Variants in SLC14A2 observed in about 807,000 individuals in gnomAD.
The protein encoded by SLC14A2 is urea transporter 2.
In SLC14A2, 91 loss-of-function variants were observed where a neutral mutation model predicts 104.6. That is an observed-to-expected ratio of 0.87 (90% CI 0.73 to 1.04). SLC14A2 has a LOEUF of 1.04. SLC14A2 is among the 50% of genes least tolerant of loss of function. The probability of loss-of-function intolerance (pLI) is 0.00; values close to 1 mark genes in which losing one functional copy is unlikely to be tolerated. For synonymous variants in SLC14A2, 476 were observed against 466.4 expected, an observed-to-expected ratio of 1.02 and a Z score of -0.27; for missense variants, 1,189 against 1,156.0, an observed-to-expected ratio of 1.03 and a Z score of -0.41.
Position 45,637,129 on chromosome 18 carries a change from G to A in SLC14A2, c.790G>A (p.Glu264Lys), listed in dbSNP as rs964218128. ...YNLFFPTTLV[E>K]PVSSVPNITW... The stretch of plus-strand genomic sequence containing the variant: ...CCTCTTCTTCCCCACAACACTGGTA[G>A]AGCCTGTGTCTTCAGTGCCCAATAT... The change falls in exon 6 of 20, where the codon GAG (glutamate) becomes AAG (lysine). Residue 264 changes from glutamate (E) to lysine (K), a missense_variant. By Grantham distance (56) the Glu-to-Lys change is moderately conservative. Transcript: ENST00000255226. 3.1e-6 allele frequency: 5 copies of A among 1,614,072 alleles called. No homozygotes were observed. Among genetic ancestry groups the A allele is most frequent in the East Asian group, 4.5e-5 (2 of 44,900 alleles).
rs1409910402 is a variant in SLC14A2, at chr18:45,588,281, G to A, written c.-34-36350G>A. Among the ~76,000 whole-genome samples, 4 of 152,144 alleles carry A rather than the reference G, an allele frequency of 2.6e-5. No individual in the cohort carries two copies. The East Asian group carries it at 7.7e-4, about 29-fold the overall frequency. ...CCGAGGCTGGAGGTCAGTGAGTCAG[G>A]GGCACTGCTGAGAGGACTCCAGCTT... On this transcript the variant is annotated intron_variant, in intron 2 of 20. Transcript: ENST00000586448.
chr18:45,183,675 C>A, the SLC14A2 span, among the ~76,000 whole-genome samples: 76,576 of 150,444 alleles, frequency 0.51, 19,803 homozygotes, highest in Non-Finnish European at 0.57. Context: ...TTCTGTCTTT[C>A]TTTCTTTCTC....
chr18:45,636,602 T>C (rs1269982970), intron 5 of SLC14A2, among the ~76,000 whole-genome samples: 3 of 152,218 alleles, frequency 2.0e-5, no homozygotes, highest in Non-Finnish European at 4.4e-5. Context: ...CCTTGAACAA[T>C]AGTCATTGTA....
At chr18:45,171,902 C>T in the SLC14A2 span, among the ~76,000 whole-genome samples, 1 of 152,122 alleles carries the variant, frequency 6.6e-6, no homozygotes, top group African/African-American at 2.4e-5. Flanking sequence ...TAAGGCCCAA[C>T]TTCTTTCGTT....
intron 1 of SLC14A2, among the ~76,000 whole-genome samples, chr18:45,245,762 C>T (rs2084362352): frequency 6.6e-6 from 1 of 151,758 alleles, no homozygotes; most frequent in South Asian, 2.1e-4. Flanking sequence ...AAATACTATC[C>T]ACTCACTCAG....
chr18:45,619,591 G>T (rs2045131976), intron 1 of SLC14A2, among the ~76,000 whole-genome samples: 1 of 152,164 alleles, frequency 6.6e-6, no homozygotes, highest in African/African-American at 2.4e-5. Context: ...AGGAGGTGTG[G>T]GCAGCCAAGG....
Position 45,616,967 on chromosome 18 carries a change from G to A in SLC14A2, c.-35+1385G>A, listed in dbSNP as rs568192728. Among the ~76,000 whole-genome samples the A allele has an allele frequency of 5.9e-5, 9 of 152,254 alleles. No individual in the cohort carries two copies. In the East Asian group the frequency reaches 1.7e-3, roughly 29 times the overall value. Reference sequence around the variant, plus strand: ...CAAAAAATTGGCTGGGCATGGTGGTGTGCGCCGGTAGTCCCAGCTACTAAG... The same window carrying A: ...CAAAAAATTGGCTGGGCATGGTGGTATGCGCCGGTAGTCCCAGCTACTAAG... On this transcript the variant is annotated intron_variant, in intron 1 of 19. Transcript: ENST00000255226.
At chr18:45,537,470 C>T (rs961631402) in intron 2 of SLC14A2, among the ~76,000 whole-genome samples, 3 of 152,256 alleles carry the variant, frequency 2.0e-5, no homozygotes. Context: ...AGAGCCAGCA[C>T]AAAGCCCTAA....
rs564855504 is a variant in SLC14A2, at chr18:45,482,110, T to TA, written c.-124-1116dup. Reference sequence around the variant, plus strand: ...TTGGGGAATAACATACCAAAAGCTTTAAAAAAATGCATACCCATTGAAAGC... The same window carrying TA: ...TTGGGGAATAACATACCAAAAGCTTTAAAAAAAATGCATACCCATTGAAAGC... On this transcript the variant is annotated intron_variant, in intron 1 of 20. Coordinates refer to the SLC14A2 transcript ENST00000586448. Among the ~76,000 whole-genome samples the TA allele has an allele frequency of 7.2e-5, 11 of 152,224 alleles. No individual in the cohort carries two copies. The East Asian group carries it at 1.9e-3, about 27-fold the overall frequency.
intron 1 of SLC14A2, among the ~76,000 whole-genome samples, chr18:45,415,769 T>C (rs1225225870): frequency 2.0e-5 from 3 of 152,150 alleles, no homozygotes; most frequent in Non-Finnish European, 4.4e-5. Flanking sequence ...TGAGAGACCA[T>C]ATCACAGCGA....
chr18:45,307,901 T>G (rs2085039852), intron 1 of SLC14A2, among the ~76,000 whole-genome samples: 1 of 152,198 alleles, frequency 6.6e-6, no homozygotes, highest in African/African-American at 2.4e-5. Context: ...CTGCAAGCTG[T>G]GCAAGAAACA....
At chr18:45,616,990 A>G (rs1009409304) in intron 1 of SLC14A2, among the ~76,000 whole-genome samples, 3 of 151,984 alleles carry the variant, frequency 2.0e-5, no homozygotes, top group African/African-American at 7.2e-5. Context: ...CCCAGCTACT[A>G]AGGAGGCTGA....
intron 10 of SLC14A2, chr18:45,646,900 C>A (rs1356178157): frequency 6.6e-6 from 1 of 152,202 alleles, no homozygotes; most frequent in Non-Finnish European, 1.5e-5. Context: ...CTACCATCAC[C>A]CCAAACTACA....
chr18:45,401,629 C>T (rs570656659), intron 1 of SLC14A2, among the ~76,000 whole-genome samples: 1 of 152,224 alleles, frequency 6.6e-6, no homozygotes, highest in African/African-American at 2.4e-5. Flanking sequence ...ACAAAAGTGG[C>T]CTAATCTATC....
chr18:45,285,661 G>GGC (rs2084805921), intron 1 of SLC14A2, among the ~76,000 whole-genome samples: 1 of 124,984 alleles, frequency 8.0e-6, no homozygotes. Flanking sequence ...CAGGTGATCT[G>GGC]CCCCCCCCCC....
intron 1 of SLC14A2, among the ~76,000 whole-genome samples, chr18:45,405,922 C>T (rs1261345806): frequency 6.8e-6 from 1 of 146,110 alleles, no homozygotes; most frequent in South Asian, 2.2e-4. Context: ...AAAATGCTAA[C>T]AGTCATCTAA....
chr18:45,464,605 A>T (rs951634661), intron 1 of SLC14A2, among the ~76,000 whole-genome samples: 1 of 152,198 alleles, frequency 6.6e-6, no homozygotes, highest in African/African-American at 2.4e-5. Context: ...AATTTCGTGT[A>T]ATTTCTATTT....
At position 45,498,275 on chromosome 18, in the gene SLC14A2, C is replaced by G. The variant is rs184976151; in HGVS notation, c.-35+14953C>G. On this transcript the variant is annotated intron_variant, in intron 2 of 20. Transcript: ENST00000586448. ...CCCAGCTACATACTTCCCGGGAACA[C>G]ATTTCTGTATTTTACTACTGAAATC... Among the ~76,000 whole-genome samples, 38 of 152,310 alleles carry G rather than the reference C, an allele frequency of 2.5e-4. 1 individual carries two copies. Among genetic ancestry groups the G allele is most frequent in the African/African-American group, 8.9e-4 (37 of 41,576 alleles).
chr18:45,617,193 G>C (rs961896460), intron 1 of SLC14A2, among the ~76,000 whole-genome samples: 6 of 152,190 alleles, frequency 3.9e-5, no homozygotes, highest in African/African-American at 1.4e-4. Context: ...GAGGTCAAGT[G>C]GTCTGCTCTC....
Sources: gnomAD v4.1 joint callset for allele counts (sites outside exome capture counted in the v4.1 genomes callset) on GRCh38, gnomAD v4.1.1 for gene constraint, MANE v1.5 for transcripts, NCBI Gene and HGNC (gene_info 2026-07-23, HGNC 2026-07-21) for gene names.